The following ARHGAP45 variants were observed in gnomAD, a reference collection of about 807,000 sequenced individuals.
ARHGAP45 encodes Rho GTPase activating protein 45.
Under a neutral mutation model 116.1 loss-of-function variants are expected in ARHGAP45, and 56 were observed. The ratio of observed to expected loss-of-function variants is 0.48; its 90% CI spans 0.39 to 0.60. The LOEUF (loss-of-function observed/expected upper bound fraction) is 0.60, where lower values mean the gene tolerates loss of function less well. Among genes scored for constraint, ARHGAP45 ranks in the 20% least tolerant of loss-of-function variants. The pLI, the probability that ARHGAP45 is intolerant of heterozygous loss-of-function variation, is 0.00. For synonymous variants in ARHGAP45, 866 were observed against 701.7 expected (o/e 1.23, Z -3.70); for missense variants, 1,622 against 1,601.0 (o/e 1.01, Z -0.22).
chr19:1,070,690 G>T (rs2043124142), intron 2 of ARHGAP45, among the ~76,000 whole-genome samples: 1 of 151,512 alleles, frequency 6.6e-6, no homozygotes, highest in Admixed American at 6.6e-5. Context: ...CCCATATTGC[G>T]CAGGCTGGTC....
At chr19:1,084,660 G>A (rs1011850442) in intron 22 of ARHGAP45, among the ~76,000 whole-genome samples, 3 of 152,180 alleles carry the variant, frequency 2.0e-5, no homozygotes, top group Non-Finnish European at 2.9e-5. Flanking sequence ...GCAGGAGCCC[G>A]TTTTTCTAGA....
Position 1,085,879 on chromosome 19 carries a change from A to C in ARHGAP45, c.3284A>C (p.Gln1095Pro). Residue 1095 changes from glutamine (Q) to proline (P), a missense_variant, in exon 23 of 23, where the codon CAG becomes CCG. By Grantham distance (76) the Gln-to-Pro change is moderately conservative (BLOSUM62 -1). Around this residue, in one of 3 missense-constraint regions of ARHGAP45, gnomAD observed 1,334 missense variants for 1,263.8 expected, o/e 1.06. Transcript: ENST00000313093. ...GACGGGGACGAGGACGGCCCGGCCC[A>C]GCAGCTCTCAGGATTCAACACCAAC... ...DGDGDEDGPA[Q>P]QLSGFNTNQS... 1.9e-6 allele frequency: 3 copies of C among 1,612,844 alleles called. No individual in the cohort carries two copies. The highest frequency in any genetic ancestry group is 2.5e-6 in the Non-Finnish European group (3 of 1,179,940).
Position 1,080,558 on chromosome 19 carries a change from C to G in ARHGAP45, c.1912+11C>G, listed in dbSNP as rs527562873. 1 of 1,612,242 alleles carries G rather than the reference C, an allele frequency of 6.2e-7. No homozygotes were observed. Among genetic ancestry groups the G allele is most frequent in the Admixed American group, 1.7e-5 (1 of 59,966 alleles). On this transcript the variant is annotated intron_variant, in intron 15 of 22. Coordinates refer to ENST00000313093, the MANE Select transcript of ARHGAP45 (RefSeq NM_012292.5). ...CCGGCCCTGGCGCAGGTGAGGGAGGCTCTCTGGCGGGCTGGGGTGTGGAGC... is the reference window on the plus strand; with the variant it reads ...CCGGCCCTGGCGCAGGTGAGGGAGGGTCTCTGGCGGGCTGGGGTGTGGAGC...
chr19:1,082,300 G>A (rs2043463828), intron 19 of ARHGAP45, among the ~76,000 whole-genome samples: 1 of 150,646 alleles, frequency 6.6e-6, no homozygotes, highest in South Asian at 2.1e-4. Context: ...CCGGGGCTCG[G>A]TGGGGCGTGG....
chr19:1,068,919 G>A lies in ARHGAP45; in HGVS notation c.421+175G>A, dbSNP rs989677820. Among the ~76,000 whole-genome samples the A allele has an allele frequency of 5.9e-5, 9 of 152,086 alleles. No individual in the cohort carries two copies. Among genetic ancestry groups the A allele is most frequent in the African/African-American group, 2.2e-4 (9 of 41,442 alleles). On this transcript the variant is annotated intron_variant, in intron 2 of 22. Transcript: ENST00000313093. The surrounding 1 kb of genome is among the most constrained non-coding windows in gnomAD (Gnocchi z 7.5). Reference sequence around the variant, plus strand: ...GAGGGATGTGTAGGAGTTTGGTGGGGGAGTCCCTGAGCGTACACTGGCTCA... The same window carrying A: ...GAGGGATGTGTAGGAGTTTGGTGGGAGAGTCCCTGAGCGTACACTGGCTCA...
rs139899985 is a variant in ARHGAP45 at position 1,072,989 on chromosome 19, C to G, written c.422-160C>G. 2.0e-5 allele frequency among the ~76,000 whole-genome samples: 3 copies of G among 152,286 alleles called. 1 individual carries two copies. Among genetic ancestry groups the G allele is most frequent in the Non-Finnish European group, 4.4e-5 (3 of 68,018 alleles). ...GCCGGTAGCCCAGGGAGGGACAGTG[C>G]CCTCCCCGCGGTCTCGAAATGAGCC... On this transcript the variant is annotated intron_variant, in intron 2 of 22. Transcript: ENST00000313093.
chr19:1,085,579 ATCTCTCCTGTCTGTCCCTCCCCTTG>A (rs1209762147), intron 22 of ARHGAP45, 56 bp from the exon 23 acceptor site: 1 of 868,206 alleles, frequency 1.2e-6, no homozygotes, highest in Non-Finnish European at 1.6e-6. Context: ...GTCTCTCCCC[ATCTCTCCTGTCTGTCCCTCCCCTTG>A]TCTCTCCTCC....
At chr19:1,074,563 C>T (rs1441170141) in intron 8 of ARHGAP45, 51 bp from the exon 9 acceptor site, 1 of 1,466,160 alleles carries the variant, frequency 6.8e-7, no homozygotes, top group East Asian at 2.5e-5. Context: ...GGTGCTGGGG[C>T]CGCCCTGCCT....
rs771217276 is a variant in ARHGAP45 at position 1,080,495 on chromosome 19, G to A, written c.1860G>A (p.Trp620Ter). 6.2e-7 allele frequency: 1 copy of A among 1,612,950 alleles called. No individual in the cohort carries two copies. The highest frequency in any genetic ancestry group is 8.5e-7 in the Non-Finnish European group (1 of 1,179,978). ...GAGGACACCAGGTTCACAAGTCATG[G>A]CCGCTCTCGATCTCAGACTCGGACA... ...AGRGHQVHKS[W>*]PLSISDSDSG... The change falls in exon 15 of 23, where the codon TGG becomes TGA. Residue 620 changes from tryptophan to a stop codon, truncating the protein, a stop_gained. Coordinates refer to ENST00000313093, the MANE Select transcript of ARHGAP45 (RefSeq NM_012292.5). LOFTEE classifies it high-confidence loss of function.
intron 10 of ARHGAP45, chr19:1,077,246 G>C: frequency 2.0e-6 from 2 of 985,416 alleles, no homozygotes; most frequent in Non-Finnish European, 2.4e-6. Context: ...GCTGGTGTGC[G>C]TGTCTGCAGA....
chr19:1,066,064 C>G, upstream of ARHGAP45: 1 of 1,535,674 alleles, frequency 6.5e-7, no homozygotes, highest in Non-Finnish European at 8.7e-7. Flanking sequence ...GTCTGCTGGG[C>G]TGGGTTTGCA....
chr19:1,079,759 G>A lies in ARHGAP45; in HGVS notation c.1431G>A (p.Lys477=). The A allele has an allele frequency of 6.2e-7, 1 of 1,612,612 alleles. No individual in the cohort carries two copies. The highest frequency in any genetic ancestry group is 8.5e-7 in the Non-Finnish European group (1 of 1,179,714). ...RTCVADAKTQ[K]QELEDTKVTA... Reference sequence around the variant, plus strand: ...GCGTGGCCGACGCGAAGACGCAGAAGCAGGAGCTGGAGGATACCAAGGTGA... The same window carrying A: ...GCGTGGCCGACGCGAAGACGCAGAAACAGGAGCTGGAGGATACCAAGGTGA... The change falls in exon 12 of 23, where the codon AAG becomes AAA. Residue 477 remains lysine, a synonymous_variant. Coordinates refer to ENST00000313093, the MANE Select transcript of ARHGAP45 (RefSeq NM_012292.5).
intron 11 of ARHGAP45, among the ~76,000 whole-genome samples, chr19:1,078,906 C>T (rs1381599814): frequency 2.6e-5 from 4 of 151,434 alleles, no homozygotes; most frequent in Admixed American, 2.0e-4. Context: ...CTTGGCCGGG[C>T]GCAGTGGCTC....
In ARHGAP45 at chr19:1,083,215, T is replaced by A. The variant is rs749531725; in HGVS notation, c.2817T>A (p.Leu939=). Residue 939 remains leucine, a synonymous_variant, in exon 21 of 23, where the codon CTT becomes CTA. Coordinates refer to ENST00000313093, the MANE Select transcript of ARHGAP45 (RefSeq NM_012292.5). ...NLGIVFGPTL[L]RPRPTEATVS... ...GCATCGTGTTCGGGCCCACGCTGCTTCGGCCACGGCCCACCGAGGCCACCG... is the reference window on the plus strand; with the variant it reads ...GCATCGTGTTCGGGCCCACGCTGCTACGGCCACGGCCCACCGAGGCCACCG... 6.2e-7 allele frequency: 1 copy of A among 1,610,318 alleles called. No individual in the cohort carries two copies. Among genetic ancestry groups the A allele is most frequent in the Non-Finnish European group, 8.5e-7 (1 of 1,178,960 alleles).
Position 1,069,817 on chromosome 19 carries a change from T to C in ARHGAP45, c.421+1073T>C, listed in dbSNP as rs2043105522. ...AACTGGGCCAGCCAGGGTGGGGCAC[T>C]TTTTTTTTTTTTTTTTTGATACAGG... is the stretch of plus-strand genomic sequence containing the variant. On this transcript the variant is annotated intron_variant, in intron 2 of 22. Coordinates refer to ENST00000313093, the MANE Select transcript of ARHGAP45 (RefSeq NM_012292.5). The surrounding 1 kb of genome is among the most constrained non-coding windows in gnomAD (Gnocchi z 4.1). 7.2e-5 allele frequency among the ~76,000 whole-genome samples: 1 copy of C among 13,832 alleles called. No individual in the cohort carries two copies. Among genetic ancestry groups the C allele is most frequent in the East Asian group, 6.7e-4 (1 of 1,484 alleles). The allele number at this position is 13,832 out of a possible 152,430, so 9.1% of individuals were successfully genotyped here. A position where few individuals can be genotyped will look rare whatever the true frequency, so the allele number is the denominator to read the frequency against.
intron 6 of ARHGAP45, 43 bp from the exon 7 acceptor site, chr19:1,074,061 T>G (rs748782348): frequency 1.0e-5 from 16 of 1,604,734 alleles, no homozygotes; most frequent in Non-Finnish European, 1.3e-5. Flanking sequence ...GGTGGGCCAT[T>G]GCGCGGGTCG....
intron 8 of ARHGAP45, 42 bp from the exon 9 acceptor site, chr19:1,074,572 C>T: frequency 2.0e-6 from 3 of 1,495,708 alleles, no homozygotes; most frequent in Non-Finnish European, 2.7e-6. Flanking sequence ...GCCGCCCTGC[C>T]TCCATCCCTC....
Position 1,086,271 on chromosome 19 carries a change from A to G in ARHGAP45, c.*265A>G, listed in dbSNP as rs1378324468. On this transcript the variant is annotated 3_prime_UTR_variant, in exon 23 of 23. Coordinates refer to ENST00000313093, the MANE Select transcript of ARHGAP45 (RefSeq NM_012292.5). The stretch of plus-strand genomic sequence containing the variant: ...GAACACTGCTGTCGTGTGAAGTCAC[A>G]GTGGCCTTGTTGGTGCCCACAGGGC... 1.1e-5 allele frequency: 5 copies of G among 467,636 alleles called. No individual in the cohort carries two copies. The highest frequency in any genetic ancestry group is 7.5e-5 in the Admixed American group (2 of 26,676). The allele number at this position is 467,636 out of a possible 1,614,324, so 29.0% of individuals were successfully genotyped here.
chr19:1,072,624 T>TC, intron 2 of ARHGAP45, among the ~76,000 whole-genome samples: 1 of 152,254 alleles, frequency 6.6e-6, no homozygotes, highest in Admixed American at 6.5e-5. Context: ...CTTCTATGGC[T>TC]CCCTATTGCC....
Sources: gnomAD v4.1 joint callset for allele counts (sites outside exome capture counted in the v4.1 genomes callset) on GRCh38, gnomAD v4.1.1 for gene constraint, gnomAD v4.1.1 regional missense constraint, Gnocchi (gnomAD v3.1) non-coding constraint, MANE v1.5 for transcripts, NCBI Gene and HGNC (gene_info 2026-07-23, HGNC 2026-07-21) for gene names.